Variants in RNF144A observed in about 807,000 individuals in gnomAD.
The protein encoded by RNF144A is E3 ubiquitin-protein ligase RNF144A.
RNF144A carries 11 observed loss-of-function variants against 38.7 expected under a neutral mutation model. The observed-to-expected ratio is 0.28, with a 90% CI of 0.18 to 0.47. RNF144A has a LOEUF of 0.47. Among genes scored for constraint, RNF144A ranks in the 20% least tolerant of loss-of-function variants. The pLI, the probability that RNF144A is intolerant of heterozygous loss-of-function variation, is 0.99. For synonymous variants in RNF144A, 149 were observed against 143.9 expected (o/e 1.04, Z -0.25); for missense variants, 316 against 377.2 (o/e 0.84, Z 1.34).
At chr2:7,033,618 C>G (rs1672468872) in intron 8 of RNF144A, among the ~76,000 whole-genome samples, 2 of 152,234 alleles carry the variant, frequency 1.3e-5, no homozygotes, top group Non-Finnish European at 1.5e-5. Context: ...ACATTCTAAC[C>G]TTCTCTGTGG....
intron 3 of RNF144A, among the ~76,000 whole-genome samples, chr2:7,008,806 G>A (rs1670614764): frequency 6.6e-6 from 1 of 152,240 alleles, no homozygotes; most frequent in African/African-American, 2.4e-5. Flanking sequence ...TGGCCAGGGA[G>A]CCGGGGCTCT....
At chr2:6,965,882 A>T (rs188384832) in intron 2 of RNF144A, among the ~76,000 whole-genome samples, 169 of 152,226 alleles carry the variant, frequency 1.1e-3, no homozygotes, top group Non-Finnish European at 2.0e-3. Flanking sequence ...TTTAAACAGG[A>T]TGTGCATTTT....
chr2:7,070,808 A>T (rs1188407481), downstream of RNF144A, among the ~76,000 whole-genome samples: 3 of 152,176 alleles, frequency 2.0e-5, no homozygotes, highest in Admixed American at 1.3e-4. Context: ...GAAGCTAGGG[A>T]GAAGCCAAGA....
chr2:7,037,793 G>A (rs399101), intron 8 of RNF144A, among the ~76,000 whole-genome samples: 66,642 of 152,130 alleles, frequency 0.44, 15,513 homozygotes, highest in South Asian at 0.76. Context: ...ATAATGGCCC[G>A]TAAAGATCTT....
chr2:6,925,235 G>A (rs1664784139), intron 1 of RNF144A, among the ~76,000 whole-genome samples: 1 of 152,056 alleles, frequency 6.6e-6, no homozygotes, highest in Non-Finnish European at 1.5e-5. Context: ...GGGGCTGGCT[G>A]TATCCTCACA....
At chr2:6,936,056 G>A (rs1665554079) in intron 1 of RNF144A, among the ~76,000 whole-genome samples, 1 of 152,176 alleles carries the variant, frequency 6.6e-6, no homozygotes, top group African/African-American at 2.4e-5. Flanking sequence ...AACTTGGGCG[G>A]CTCGGCCTAT....
chr2:6,983,615 C>T (rs1292312739), intron 2 of RNF144A, among the ~76,000 whole-genome samples: 1 of 152,156 alleles, frequency 6.6e-6, no homozygotes, highest in South Asian at 2.1e-4. Flanking sequence ...CCTGACCTCT[C>T]ACCCACTCTC....
rs1672941265 is a variant in RNF144A at position 7,039,850 on chromosome 2, T to G, written c.*90T>G. 2 of 1,537,104 alleles carry G rather than the reference T, an allele frequency of 1.3e-6. No homozygotes were observed. Among genetic ancestry groups the G allele is most frequent in the African/African-American group, 2.7e-5 (2 of 73,140 alleles). On this transcript the variant is annotated 3_prime_UTR_variant, in exon 9 of 9. Transcript: ENST00000320892. ...ACCGTCCCCCCTTCACTAAACATCT[T>G]TCTTGCCTTATGTGCCCCATTGAGC...
downstream of RNF144A, among the ~76,000 whole-genome samples, chr2:7,046,390 G>A (rs568446025): frequency 1.3e-5 from 2 of 152,220 alleles, no homozygotes; most frequent in Non-Finnish European, 2.9e-5. Flanking sequence ...GGCTGCTATA[G>A]CCAGGGAAGG....
In RNF144A at chr2:6,961,610, G is replaced by A. The variant is rs1667345266; in HGVS notation, c.-12+20463G>A. On this transcript the variant is annotated intron_variant, in intron 2 of 8. Coordinates refer to ENST00000320892, the MANE Select transcript of RNF144A (RefSeq NM_014746.6). ...CAAGAGCAAGAGAACACTAAGAGAGGAAAGCTCCGATGCAAGGATCTTGCT... is the reference window on the plus strand; with the variant it reads ...CAAGAGCAAGAGAACACTAAGAGAGAAAAGCTCCGATGCAAGGATCTTGCT... Among the ~76,000 whole-genome samples, 9 of 152,230 alleles carry A rather than the reference G, an allele frequency of 5.9e-5. No homozygotes were observed. In the South Asian group the frequency reaches 1.0e-3, roughly 17 times the overall value.
chr2:7,007,859 C>T (rs987205786), intron 3 of RNF144A, among the ~76,000 whole-genome samples: 3 of 152,246 alleles, frequency 2.0e-5, no homozygotes, highest in Non-Finnish European at 4.4e-5. Flanking sequence ...CCCACACCAC[C>T]GCTTCTCTTG....
intron 3 of RNF144A, among the ~76,000 whole-genome samples, chr2:7,009,823 G>T (rs1395618381): frequency 2.0e-5 from 3 of 152,178 alleles, no homozygotes; most frequent in African/African-American, 4.8e-5. Context: ...CCCTGCGGTG[G>T]TGGTGTGTAG....
chr2:6,985,620 G>A (rs1668904427), intron 2 of RNF144A, among the ~76,000 whole-genome samples: 1 of 152,166 alleles, frequency 6.6e-6, no homozygotes, highest in African/African-American at 2.4e-5. Context: ...CACACGTGTA[G>A]CATGTGCTCT....
At chr2:7,014,121 AGAAATATTACCTCCCAGCCTCCCTTGCT>A (rs1164121988) in intron 3 of RNF144A, among the ~76,000 whole-genome samples, 1 of 152,242 alleles carries the variant, frequency 6.6e-6, no homozygotes, top group Non-Finnish European at 1.5e-5. Context: ...TAGGCATTTG[AGAAATATTACCTCCCAGCCTCCCTTGCT>A]GCCTTTCATC....
chr2:6,984,566 T>C (rs527547958), intron 2 of RNF144A, among the ~76,000 whole-genome samples: 1 of 152,344 alleles, frequency 6.6e-6, no homozygotes, highest in African/African-American at 2.4e-5. Flanking sequence ...CCTCCCAAAG[T>C]GCTGGAATTA....
At chr2:6,971,329 G>T (rs980479388) in intron 2 of RNF144A, among the ~76,000 whole-genome samples, 1 of 152,232 alleles carries the variant, frequency 6.6e-6, no homozygotes, top group African/African-American at 2.4e-5. Flanking sequence ...GGATGGTAAG[G>T]ATGGCCAGGG....
At chr2:6,928,534 G>A (rs552069491) in intron 1 of RNF144A, among the ~76,000 whole-genome samples, 28 of 152,306 alleles carry the variant, frequency 1.8e-4, no homozygotes, top group Admixed American at 1.7e-3. Flanking sequence ...AAGCCCACAT[G>A]TCTAGAATAC....
chr2:7,062,411 TCC>T (rs1406655459), intron 6 of RNF144A, among the ~76,000 whole-genome samples: 1 of 150,982 alleles, frequency 6.6e-6, no homozygotes, highest in African/African-American at 2.4e-5. Context: ...AGCTGGGAGT[TCC>T]TGCAAAGACC....
At chr2:7,044,184 G>A (rs1441913999), downstream of RNF144A, 8 of 985,320 alleles carry the variant, frequency 8.1e-6, no homozygotes, top group African/African-American at 5.2e-5. Context: ...TGTAAACCCC[G>A]CGTGGCTCCG....
Sources: allele counts gnomAD v4.1 joint callset (sites outside exome capture counted in the v4.1 genomes callset), GRCh38; gene constraint gnomAD v4.1.1; transcripts MANE v1.5; gene names NCBI Gene and HGNC (gene_info 2026-07-23, HGNC 2026-07-21).